The following COL8A2 variants were observed in gnomAD, a reference collection of about 807,000 sequenced individuals.
The protein encoded by COL8A2 is collagen type VIII alpha 2 chain, also known as collagen alpha-2(VIII) chain.
A neutral mutation model predicts 24.0 loss-of-function variants in COL8A2; 16 were observed. That is an observed-to-expected ratio of 0.67 (90% CI 0.45 to 1.01). The LOEUF is 1.01. Among genes scored for constraint, COL8A2 ranks in the 50% least tolerant of loss-of-function variants. The probability of loss-of-function intolerance (pLI) is 0.00; values close to 1 mark genes in which losing one functional copy is unlikely to be tolerated. For synonymous variants in COL8A2, 466 were observed against 424.5 expected (o/e 1.10, Z -1.20); for missense variants, 818 against 942.4 (o/e 0.87, Z 1.73).
rs374515601 is a variant in COL8A2, at chr1:36,114,345, C to T, written c.-17+1363G>A. ...AAAAAAAAAAAAAAAAATACAGGTT[C>T]GTTGGCGGGGTTGCTGCAGCCTGGA... On this transcript the variant is annotated intron_variant, in intron 2 of 3. Coordinates refer to ENST00000397799, the MANE Select transcript of COL8A2 (RefSeq NM_005202.4). Among the ~76,000 whole-genome samples, 256 of 148,042 alleles carry T rather than the reference C, an allele frequency of 1.7e-3. 1 individual carries two copies. Among genetic ancestry groups the T allele is most frequent in the African/African-American group, 5.9e-3 (238 of 40,118 alleles).
chr1:36,104,096 C>A (rs146857517), intron 2 of COL8A2, among the ~76,000 whole-genome samples: 6,552 of 151,690 alleles, frequency 0.043, 451 homozygotes, highest in African/African-American at 0.15. Flanking sequence ...TGGGGGGCTG[C>A]GGCAGGAGAA....
chr1:36,120,949 C>T (rs1177851629), intron 1 of COL8A2, among the ~76,000 whole-genome samples: 1 of 151,028 alleles, frequency 6.6e-6, no homozygotes, highest in Non-Finnish European at 1.5e-5. Flanking sequence ...ATTAGCCGGG[C>T]CTGGTGGTGC....
Position 36,099,432 on chromosome 1 carries a change from C to A in COL8A2, c.249G>T (p.Gly83=). 2.6e-6 allele frequency: 4 copies of A among 1,545,756 alleles called. No homozygotes were observed. The highest frequency in any genetic ancestry group is 3.5e-6 in the Non-Finnish European group (4 of 1,150,458). The change falls in exon 4 of 4, where the codon GGG becomes GGT. Residue 83 remains glycine (G), a synonymous_variant. Coordinates refer to ENST00000397799, the MANE Select transcript of COL8A2 (RefSeq NM_005202.4). The part of the protein sequence containing the change: ...MDLKGEPGPP[G]KPGPRGPPGP... ...CAGGGGGACCCCGAGGCCCGGGCTT[C>A]CCAGGGGGGCCGGGCTCTCCCTTCA...
Position 36,098,026 on chromosome 1 carries a change from T to G in COL8A2, c.1655A>C (p.Glu552Ala), listed in dbSNP as rs1176501100. The G allele has an allele frequency of 6.3e-7, 1 of 1,594,522 alleles. No individual in the cohort carries two copies. Among genetic ancestry groups the G allele is most frequent in the South Asian group, 1.1e-5 (1 of 90,458 alleles). ...GCCCCCCTTGCCCAGCACGGCACCC[T>G]CCACACCGCCGTTGGGCAGGTGCAA... ...AGLHLPNGGV[E>A]GAVLGKGGKP... The change falls in exon 4 of 4, where the codon GAG becomes GCG. Residue 552 changes from glutamate to alanine, a missense_variant. Glu to Ala is a moderately radical substitution (Grantham distance 107, BLOSUM62 -1). This residue lies in a region of COL8A2 where 235 missense variants were observed against 297.3 expected (regional missense o/e 0.79). Coordinates refer to ENST00000397799, the MANE Select transcript of COL8A2 (RefSeq NM_005202.4).
intron 2 of COL8A2, among the ~76,000 whole-genome samples, chr1:36,114,917 C>T (rs1361629433): frequency 4.6e-5 from 7 of 152,254 alleles, no homozygotes; most frequent in Non-Finnish European, 8.8e-5. Context: ...AAGCCCCTGG[C>T]CTCTGCCCAT....
intron 2 of COL8A2, among the ~76,000 whole-genome samples, chr1:36,102,675 T>TTG (rs1557740974): frequency 1.5e-5 from 2 of 135,440 alleles, no homozygotes; most frequent in South Asian, 2.5e-4. Flanking sequence ...TTTTTTGTTT[T>TTG]TTTTTTTTTT....
At chr1:36,101,799 C>T (rs941235943) in intron 2 of COL8A2, among the ~76,000 whole-genome samples, 2 of 152,210 alleles carry the variant, frequency 1.3e-5, no homozygotes, top group Non-Finnish European at 2.9e-5. Flanking sequence ...GTCCCAGCTA[C>T]TCAGGAGGCT....
At chr1:36,107,366 T>G (rs1643776369) in intron 2 of COL8A2, among the ~76,000 whole-genome samples, 1 of 150,852 alleles carries the variant, frequency 6.6e-6, no homozygotes, top group Non-Finnish European at 1.5e-5. Flanking sequence ...ATTGCACCAC[T>G]GCACTCCAGC....
rs1643594363 is a variant in COL8A2 at position 36,097,806 on chromosome 1, A to G, written c.1875T>C (p.His625=). The G allele has an allele frequency of 3.7e-6, 6 of 1,613,752 alleles. No homozygotes were observed. The highest frequency in any genetic ancestry group is 5.1e-6 in the Non-Finnish European group (6 of 1,180,020). ...PVGGVYYFAY[H]VHVKGTNVWV... Reference sequence around the variant, plus strand: ...ACACGTTGGTGCCCTTGACGTGCACATGGTAAGCAAAGTAGTAGACGCCGC... The same window carrying G: ...ACACGTTGGTGCCCTTGACGTGCACGTGGTAAGCAAAGTAGTAGACGCCGC... Residue 625 remains histidine, a synonymous_variant, in exon 4 of 4, where the codon CAT becomes CAC. Transcript: ENST00000397799.
intron 2 of COL8A2, among the ~76,000 whole-genome samples, chr1:36,114,347 T>A (rs1643869636): frequency 6.7e-6 from 1 of 148,664 alleles, no homozygotes; most frequent in Non-Finnish European, 1.5e-5. Context: ...TACAGGTTCG[T>A]TGGCGGGGTT....
At chr1:36,102,101 C>A (rs1297778583) in intron 2 of COL8A2, among the ~76,000 whole-genome samples, 1 of 152,020 alleles carries the variant, frequency 6.6e-6, no homozygotes, top group Non-Finnish European at 1.5e-5. Flanking sequence ...ATCACTTGAG[C>A]TCAGGAGGTG....
chr1:36,101,117 C>A (rs911119254), intron 2 of COL8A2, among the ~76,000 whole-genome samples: 1 of 152,112 alleles, frequency 6.6e-6, no homozygotes, highest in Non-Finnish European at 1.5e-5. Context: ...TGGTCTCGAA[C>A]TCCTGACCTC....
chr1:36,107,270 G>T (rs1029464085), intron 2 of COL8A2, among the ~76,000 whole-genome samples: 2 of 152,176 alleles, frequency 1.3e-5, no homozygotes, highest in African/African-American at 4.8e-5. Flanking sequence ...CCCAGGCATG[G>T]TGGTGCACCT....
rs1234926826 is a variant in COL8A2, at chr1:36,099,410, G to A, written c.271C>T (p.Pro91Ser). The A allele has an allele frequency of 6.4e-7, 1 of 1,555,936 alleles. No homozygotes were observed. Among genetic ancestry groups the A allele is most frequent in the Non-Finnish European group, 8.7e-7 (1 of 1,154,300 alleles). The change falls in exon 4 of 4, where the codon CCT (proline) becomes TCT (serine). Residue 91 changes from proline (P) to serine (S), a missense_variant. This residue lies in a region of COL8A2 where 573 missense variants were observed against 616.8 expected (regional missense o/e 0.93). Transcript: ENST00000397799. ...PPGKPGPRGP[P>S]GPPGFPGKPG... ...TTTCCTGGGAAGCCAGGGGGGCCAG[G>A]GGGACCCCGAGGCCCGGGCTTCCCA...
In COL8A2 at chr1:36,097,097, C is replaced by G. The variant is rs2124067897; in HGVS notation, c.*472G>C. The G allele has an allele frequency of 6.0e-6, 1 of 167,036 alleles. No homozygotes were observed. Among genetic ancestry groups the G allele is most frequent in the African/African-American group, 2.4e-5 (1 of 41,810 alleles). 10.3% of individuals were successfully genotyped at this position (167,036 alleles called of 1,614,324 possible). ...CTTCTCCCTTCCCCTTGGAGGAAAA[C>G]CCCACAGTCCTTAGTCCACTGTCAT... On this transcript the variant is annotated 3_prime_UTR_variant, in exon 4 of 4. Coordinates refer to ENST00000397799, the MANE Select transcript of COL8A2 (RefSeq NM_005202.4).
chr1:36,123,938 C>T lies in COL8A2; in HGVS notation c.-62+1119G>A, dbSNP rs958478478. Among the ~76,000 whole-genome samples the T allele has an allele frequency of 1.3e-5, 2 of 152,090 alleles. No individual in the cohort carries two copies. The highest frequency in any genetic ancestry group is 1.3e-4 in the Admixed American group (2 of 15,270). On this transcript the variant is annotated intron_variant, in intron 1 of 3. Coordinates refer to ENST00000397799, the MANE Select transcript of COL8A2 (RefSeq NM_005202.4). The surrounding 1 kb of genome is among the most constrained non-coding windows in gnomAD (Gnocchi z 4.1). ...GATCACCAACTCCTGCCCTGCGGCC[C>T]CCTCTGCTTGGGGCAGTAAGGATCA...
chr1:36,102,502 G>A (rs1643691451), intron 2 of COL8A2, among the ~76,000 whole-genome samples: 2 of 151,860 alleles, frequency 1.3e-5, no homozygotes, highest in African/African-American at 2.4e-5. Flanking sequence ...GGGTCTCACT[G>A]TGTTGCCTAG....
At chr1:36,105,546 G>A (rs561567132) in intron 2 of COL8A2, among the ~76,000 whole-genome samples, 397 of 152,348 alleles carry the variant, frequency 2.6e-3, no homozygotes, top group Non-Finnish European at 4.6e-3. Flanking sequence ...ACGTTACGCA[G>A]GCCTGACCCA....
intron 2 of COL8A2, among the ~76,000 whole-genome samples, chr1:36,112,813 C>T (rs917735771): frequency 6.6e-6 from 1 of 152,170 alleles, no homozygotes; most frequent in Non-Finnish European, 1.5e-5. Context: ...GGGGCCCCAT[C>T]GAGATTCGGT....
Sources: gnomAD v4.1 joint callset for allele counts (sites outside exome capture counted in the v4.1 genomes callset) on GRCh38, gnomAD v4.1.1 for gene constraint, gnomAD v4.1.1 regional missense constraint, Gnocchi (gnomAD v3.1) non-coding constraint, MANE v1.5 for transcripts, NCBI Gene and HGNC (gene_info 2026-07-23, HGNC 2026-07-21) for gene names.